Variants in TEK observed in about 807,000 individuals in gnomAD.
TEK encodes angiopoietin-1 receptor.
TEK carries 43 observed loss-of-function variants against 131.8 expected under a neutral mutation model. That is an observed-to-expected ratio of 0.33 (90% CI 0.26 to 0.42). TEK has a LOEUF of 0.42. Among genes scored for constraint, TEK ranks in the 10% least tolerant of loss-of-function variants. The probability of loss-of-function intolerance (pLI) is 1.00; values close to 1 mark genes in which losing one functional copy is unlikely to be tolerated. For missense variants in TEK, 1,162 were observed against 1,384.4 expected (o/e 0.84, Z 2.55); for synonymous variants, 580 against 491.6 (o/e 1.18, Z -2.38).
At chr9:27,154,340 A>T (rs1245994912) in intron 1 of TEK, among the ~76,000 whole-genome samples, 2 of 151,986 alleles carry the variant, frequency 1.3e-5, no homozygotes, top group South Asian at 2.1e-4. Context: ...GCCTGCCTCA[A>T]TCTCCCAAAG....
chr9:27,226,245 G>T (rs12349937), intron 21 of TEK, among the ~76,000 whole-genome samples: 10,861 of 152,250 alleles, frequency 0.071, 461 homozygotes, highest in East Asian at 0.1. Flanking sequence ...ATACCCACAG[G>T]ATTATAAATC....
intron 21 of TEK, among the ~76,000 whole-genome samples, chr9:27,223,149 A>C (rs7041267): frequency 0.13 from 19,002 of 149,206 alleles, 1,450 homozygotes; most frequent in Admixed American, 0.19. Context: ...AACTGCAAAG[A>C]GACTTAAAGT....
At chr9:27,214,633 C>A (rs1564103707) in intron 18 of TEK, among the ~76,000 whole-genome samples, 1 of 152,172 alleles carries the variant, frequency 6.6e-6, no homozygotes, top group African/African-American at 2.4e-5. Flanking sequence ...CCATAATTCA[C>A]CACCTTGGCA....
chr9:27,109,685 AC>A (rs1347329186), intron 1 of TEK, 43 bp downstream of exon 1: 20 of 1,603,654 alleles, frequency 1.2e-5, no homozygotes, highest in Non-Finnish European at 1.5e-5. Context: ...ATTTTAAAAA[AC>A]AGAGTTAGTG....
rs1254840237 is a variant in TEK at position 27,185,491 on chromosome 9, G to T, written c.1189G>T (p.Asp397Tyr). The T allele has an allele frequency of 1.9e-6, 3 of 1,613,520 alleles. No individual in the cohort carries two copies. Among genetic ancestry groups the T allele is most frequent in the Admixed American group, 1.7e-5 (1 of 59,974 alleles). The change falls in exon 9 of 23, where the codon GAC becomes TAC. Residue 397 changes from aspartate to tyrosine, a missense_variant. Physicochemically the swap from Asp to Tyr is radical, Grantham distance 160 (BLOSUM62 -3). This residue lies in a region of TEK where 436 missense variants were observed against 539.1 expected (regional missense o/e 0.81). Coordinates refer to ENST00000380036, the MANE Select transcript of TEK (RefSeq NM_000459.5). ...TTGTATTTGACCTTTTCAGCCAAAA[G>T]ACTTTAACCATACGGATCATTTCTC... ...KPDGTVLHPKDFNHTDHFSVA... is the reference protein window; with the variant it reads ...KPDGTVLHPKYFNHTDHFSVA...
chr9:27,167,435 C>T (rs965346141), intron 2 of TEK, among the ~76,000 whole-genome samples: 2 of 152,052 alleles, frequency 1.3e-5, no homozygotes, highest in Admixed American at 1.3e-4. Context: ...GCCATGTTGG[C>T]CAGGCTCGTC....
At chr9:27,140,160 C>A (rs1424352519) in intron 1 of TEK, among the ~76,000 whole-genome samples, 1 of 152,098 alleles carries the variant, frequency 6.6e-6, no homozygotes, top group East Asian at 1.9e-4. Context: ...CTATATAATT[C>A]TTGATCGAAA....
chr9:27,160,675 A>G (rs1823514357), intron 2 of TEK, among the ~76,000 whole-genome samples: 1 of 152,214 alleles, frequency 6.6e-6, no homozygotes, highest in Non-Finnish European at 1.5e-5. Flanking sequence ...TGAAGGCAGC[A>G]AACTCATTTT....
chr9:27,135,595 T>C (rs962852780), intron 1 of TEK, among the ~76,000 whole-genome samples: 2 of 152,212 alleles, frequency 1.3e-5, no homozygotes, highest in African/African-American at 4.8e-5. Flanking sequence ...ATGTATACAT[T>C]GATACATCCT....
At position 27,194,094 on chromosome 9, in the gene TEK, A is replaced by C. The variant is rs1415625958; in HGVS notation, c.1624+1471A>C. 3.3e-5 allele frequency among the ~76,000 whole-genome samples: 5 copies of C among 152,162 alleles called. No homozygotes were observed. In the East Asian group the frequency reaches 9.6e-4, roughly 29 times the overall value. ...AGTGTTAGGATTACAGGGATGAGTC[A>C]CCACTCCCAGTCCAGGCTCCATATC... On this transcript the variant is annotated intron_variant, in intron 11 of 22. Coordinates refer to ENST00000380036, the MANE Select transcript of TEK (RefSeq NM_000459.5).
intron 1 of TEK, among the ~76,000 whole-genome samples, chr9:27,120,003 AC>A: frequency 6.6e-6 from 1 of 152,164 alleles, no homozygotes; most frequent in East Asian, 1.9e-4. Flanking sequence ...TCTCCATTCT[AC>A]TTTGTGTCCA....
chr9:27,139,192 G>A (rs1322833666), intron 1 of TEK, among the ~76,000 whole-genome samples: 6 of 120,908 alleles, frequency 5.0e-5, no homozygotes, highest in Admixed American at 9.0e-5. Context: ...CAGCCTGGGC[G>A]ACAGAGCGAG....
Position 27,183,544 on chromosome 9 carries a change from T to G in TEK, c.1116T>G (p.Ala372=), listed in dbSNP as rs552703633. Residue 372 remains alanine (A), a synonymous_variant, in exon 8 of 23, where the codon GCT becomes GCG. Coordinates refer to ENST00000380036, the MANE Select transcript of TEK (RefSeq NM_000459.5). Reference sequence around the variant, plus strand: ...GTAAATTTAATCCCATTTGCAAAGCTTCTGGCTGGCCGCTACCTACTAATG... The same window carrying G: ...GTAAATTTAATCCCATTTGCAAAGCGTCTGGCTGGCCGCTACCTACTAATG... The part of the protein sequence containing the change: ...NSGKFNPICK[A]SGWPLPTNEE... The G allele has an allele frequency of 1.4e-5, 23 of 1,613,950 alleles. No individual in the cohort carries two copies. In the South Asian group the frequency reaches 2.3e-4, roughly 16 times the overall value.
intron 20 of TEK, among the ~76,000 whole-genome samples, chr9:27,219,588 C>CCATGGCACATGTATCTCAG (rs1459688969): frequency 8.8e-6 from 1 of 114,094 alleles, no homozygotes; most frequent in Non-Finnish European, 2.0e-5. Flanking sequence ...AAACCACCCA[C>CCATGGCACATGTATCTCAG]CATGGCACAT....
rs1825505574 is a variant in TEK at position 27,209,061 on chromosome 9, G to A, written c.2576-60G>A. 49 of 1,201,910 alleles carry A rather than the reference G, an allele frequency of 4.1e-5. No individual in the cohort carries two copies. In the South Asian group the frequency reaches 5.6e-4, roughly 14 times the overall value. The allele number at this position is 1,201,910 out of a possible 1,614,324, so 74.5% of individuals were successfully genotyped here. A position where few individuals can be genotyped will look rare whatever the true frequency, so the allele number is the denominator to read the frequency against. ...TGAAGGTTCTTAGGGGGCAGGACGG[G>A]ACAGCTGATTCTGAAAAGGTGTAAC... On this transcript the variant is annotated intron_variant, in intron 15 of 22. Transcript: ENST00000380036.
At chr9:27,180,434 A>C in intron 7 of TEK, 66 bp downstream of exon 7, 1 of 1,571,390 alleles carries the variant, frequency 6.4e-7, no homozygotes, top group Non-Finnish European at 8.6e-7. Context: ...TTGGTAGTGT[A>C]ATTCTTGTGC....
chr9:27,183,687 T>A (rs1351637062), intron 8 of TEK, 77 bp downstream of exon 8: 3 of 1,555,560 alleles, frequency 1.9e-6, no homozygotes, highest in Non-Finnish European at 2.7e-6. Context: ...AAATGATAGA[T>A]ACCATTCAGT....
intron 21 of TEK, among the ~76,000 whole-genome samples, chr9:27,222,477 A>T (rs1826124792): frequency 6.6e-6 from 1 of 152,240 alleles, no homozygotes; most frequent in South Asian, 2.1e-4. Context: ...AGGTCAGGTT[A>T]CCCACAAAGG....
rs1159600207 is a variant in TEK, at chr9:27,122,644, A to AG, written c.52+13004dup. Among the ~76,000 whole-genome samples the AG allele has an allele frequency of 2.6e-5, 4 of 152,150 alleles. No individual in the cohort carries two copies. The East Asian group carries it at 7.7e-4, about 29-fold the overall frequency. On this transcript the variant is annotated intron_variant, in intron 1 of 22. Transcript: ENST00000380036. ...GTGAGACGTGTCTGGAGATAAGAGG[A>AG]GGACAGCAGGTAGGTCTGGGAACCT... is the stretch of plus-strand genomic sequence containing the variant.
Sources: gnomAD v4.1 joint callset for allele counts (sites outside exome capture counted in the v4.1 genomes callset) on GRCh38, gnomAD v4.1.1 for gene constraint, gnomAD v4.1.1 regional missense constraint, MANE v1.5 for transcripts, NCBI Gene and HGNC (gene_info 2026-07-23, HGNC 2026-07-21) for gene names.